Variants in RIOX2 observed in about 807,000 individuals in gnomAD.
RIOX2 encodes the protein ribosomal oxygenase 2, also known as 60S ribosomal protein L27a histidine hydroxylase.
RIOX2 carries 43 observed loss-of-function variants against 51.2 expected under a neutral mutation model. The observed-to-expected ratio is 0.84, with a 90% confidence interval of 0.66 to 1.08. RIOX2 has a LOEUF of 1.08. Ranked by LOEUF, RIOX2 falls within the 50% of genes least tolerant of loss-of-function variation. The pLI is 0.00. For missense variants in RIOX2, 566 were observed against 561.7 expected, an observed-to-expected ratio of 1.01 and a Z score of -0.08; for synonymous variants, 226 against 218.5, an observed-to-expected ratio of 1.03 and a Z score of -0.30.
At chr3:97,964,208 G>A (rs1461396384) in intron 2 of RIOX2, among the ~76,000 whole-genome samples, 4 of 152,134 alleles carry the variant, frequency 2.6e-5, no homozygotes, top group Non-Finnish European at 5.9e-5. Flanking sequence ...CAACGCCATG[G>A]CTAAAATAGA....
At chr3:97,963,686 T>G (rs962788269) in intron 2 of RIOX2, among the ~76,000 whole-genome samples, 6 of 152,144 alleles carry the variant, frequency 3.9e-5, no homozygotes, top group Admixed American at 6.5e-5. Flanking sequence ...CAGGACTGTA[T>G]AGGTGATTTT....
chr3:97,954,623 CAGTCTAT>C, intron 4 of RIOX2, 128 bp from the exon 5 acceptor site: 1 of 733,014 alleles, frequency 1.4e-6, no homozygotes, highest in Non-Finnish European at 2.4e-6. Flanking sequence ...CCTCAAGGCA[CAGTCTAT>C]ATGCTGGGCT....
chr3:97,945,472 C>T (rs2040332729), intron 9 of RIOX2, 130 bp from the exon 10 acceptor site: 4 of 786,592 alleles, frequency 5.1e-6, no homozygotes, highest in Non-Finnish European at 7.8e-6. Context: ...AGACACACTA[C>T]AATTAGATAA....
Position 97,943,855 on chromosome 3 carries a change from C to G in RIOX2, c.*1329G>C, listed in dbSNP as rs1167054734. The G allele has an allele frequency of 6.6e-6, 1 of 152,086 alleles. No homozygotes were observed. Among genetic ancestry groups the G allele is most frequent in the Non-Finnish European group, 1.5e-5 (1 of 68,068 alleles). The allele number at this position is 152,086 out of a possible 1,614,324, so 9.4% of individuals were successfully genotyped here. A position where few individuals can be genotyped will look rare whatever the true frequency, so the allele number is the denominator to read the frequency against. On this transcript the variant is annotated 3_prime_UTR_variant, in exon 10 of 10. Transcript: ENST00000394198. ...TACTGAGGCTTTTATAATGAACGCA[C>G]CTCGTTAAGTATTTATACTTGTAAC... is the stretch of plus-strand genomic sequence containing the variant.
rs2040270085 is a variant in RIOX2, at chr3:97,943,195, A to G, written c.*1989T>C. 2 of 1,314,398 alleles carry G rather than the reference A, an allele frequency of 1.5e-6. No individual in the cohort carries two copies. The highest frequency in any genetic ancestry group is 2.2e-6 in the Non-Finnish European group (2 of 918,230). The allele number at this position is 1,314,398 out of a possible 1,614,324, so 81.4% of individuals were successfully genotyped here. A position where few individuals can be genotyped will look rare whatever the true frequency, so the allele number is the denominator to read the frequency against. ...AATTGCTAAGCACCTGCCTGAACAA[A>G]TAATCTTTTCTTTTGGAATTTCTAT... is the stretch of plus-strand genomic sequence containing the variant. On this transcript the variant is annotated 3_prime_UTR_variant, in exon 10 of 10. Transcript: ENST00000394198.
chr3:97,966,850 C>A (rs895768874), intron 2 of RIOX2, among the ~76,000 whole-genome samples: 1 of 152,198 alleles, frequency 6.6e-6, no homozygotes, highest in African/African-American at 2.4e-5. Flanking sequence ...CATAAACTGG[C>A]TCACAGAACA....
chr3:97,956,037 C>G (rs1381086755), intron 4 of RIOX2, among the ~76,000 whole-genome samples: 1 of 152,170 alleles, frequency 6.6e-6, no homozygotes, highest in Non-Finnish European at 1.5e-5. Flanking sequence ...AATGGGAGAG[C>G]CTAGGGCCCT....
intron 5 of RIOX2, chr3:97,951,288 A>G (rs141813200): frequency 1.2e-5 from 2 of 169,420 alleles, no homozygotes; most frequent in Non-Finnish European, 2.5e-5. Context: ...ACCAAATTTT[A>G]TGTGCAATAA....
intron 2 of RIOX2, among the ~76,000 whole-genome samples, chr3:97,964,380 A>G (rs1705795743): frequency 6.6e-6 from 1 of 152,176 alleles, no homozygotes; most frequent in African/African-American, 2.4e-5. Context: ...TGTGAACTCC[A>G]GTTTTTCCAC....
chr3:97,956,111 C>T (rs556951990), intron 4 of RIOX2, among the ~76,000 whole-genome samples: 2 of 152,288 alleles, frequency 1.3e-5, no homozygotes, highest in Admixed American at 6.5e-5. Context: ...ACCACAAACA[C>T]GTGAGTAATG....
At chr3:97,965,965 A>G (rs1295672026) in intron 2 of RIOX2, among the ~76,000 whole-genome samples, 1 of 152,194 alleles carries the variant, frequency 6.6e-6, no homozygotes, top group Non-Finnish European at 1.5e-5. Flanking sequence ...TGATTTGTAA[A>G]TTCTTTTTGA....
intron 8 of RIOX2, among the ~76,000 whole-genome samples, chr3:97,946,613 C>CTATCT (rs2040373210): frequency 2.0e-5 from 1 of 50,644 alleles, no homozygotes; most frequent in Admixed American, 1.8e-4. Flanking sequence ...TATATCTATT[C>CTATCT]ATGTATATTC....
chr3:97,964,226 G>A (rs1318463268), intron 2 of RIOX2, among the ~76,000 whole-genome samples: 2 of 152,134 alleles, frequency 1.3e-5, no homozygotes, highest in African/African-American at 2.4e-5. Flanking sequence ...AGAAGACCAC[G>A]TATATGCCTA....
chr3:97,948,609 T>C (rs115367944), intron 7 of RIOX2, among the ~76,000 whole-genome samples: 346 of 152,316 alleles, frequency 2.3e-3, no homozygotes, highest in African/African-American at 7.9e-3. Context: ...CGCTTTACCA[T>C]TGATAACTTC....
intron 2 of RIOX2, among the ~76,000 whole-genome samples, chr3:97,962,156 C>A (rs981716232): frequency 6.6e-6 from 1 of 151,988 alleles, no homozygotes; most frequent in Non-Finnish European, 1.5e-5. Context: ...GAGTGGGATG[C>A]ACTCTAGAAG....
At chr3:97,953,543 C>A (rs1337019800) in intron 5 of RIOX2, among the ~76,000 whole-genome samples, 4 of 152,102 alleles carry the variant, frequency 2.6e-5, no homozygotes, top group Admixed American at 6.6e-5. Flanking sequence ...CCACACCTGG[C>A]TAATATTTGT....
At chr3:97,947,249 T>C (rs1024766791) in intron 8 of RIOX2, 112 bp downstream of exon 8, 3 of 766,426 alleles carry the variant, frequency 3.9e-6, no homozygotes, top group Non-Finnish European at 6.7e-6. Flanking sequence ...TTAAACTGAA[T>C]GCAGGTGGAT....
In RIOX2 at chr3:97,967,193, G is replaced by A. The variant is rs759141636; in HGVS notation, c.401C>T (p.Thr134Met). 8 of 1,614,076 alleles carry A rather than the reference G, an allele frequency of 5.0e-6. No individual in the cohort carries two copies. The highest frequency in any genetic ancestry group is 1.3e-5 in the African/African-American group (1 of 75,032). The change falls in exon 2 of 10, where the codon ACG becomes ATG. Residue 134 changes from threonine to methionine, a missense_variant. Coordinates refer to ENST00000394198, the MANE Select transcript of RIOX2 (RefSeq NM_153182.4). ...LRKDFDQKRA[T>M]IQFHQPQRFK... The stretch of plus-strand genomic sequence containing the variant: ...TCTCTGAGGTTGGTGAAACTGAATC[G>A]TTGCCCTTTTCTGATCAAAATCTTT...
At chr3:97,959,698 CA>C (rs1705603802) in intron 3 of RIOX2, among the ~76,000 whole-genome samples, 1 of 151,948 alleles carries the variant, frequency 6.6e-6, no homozygotes, top group Admixed American at 6.6e-5. Context: ...AGGAGATTTG[CA>C]ACAATTTGAA....
Sources: gnomAD v4.1 joint callset for allele counts (sites outside exome capture counted in the v4.1 genomes callset) on GRCh38, gnomAD v4.1.1 for gene constraint, MANE v1.5 for transcripts, NCBI Gene and HGNC (gene_info 2026-07-23, HGNC 2026-07-21) for gene names.